CERT1: variants seen among roughly 807,000 people sequenced by gnomAD.
CERT1 encodes the protein ceramide transfer protein.
In CERT1, 31 loss-of-function variants were observed where a neutral mutation model predicts 87.9. The ratio of observed to expected loss-of-function variants is 0.35; its 90% CI spans 0.27 to 0.48. The LOEUF (loss-of-function observed/expected upper bound fraction) is 0.48, where lower values mean the gene tolerates loss of function less well. Ranked by LOEUF, CERT1 falls within the 20% of genes least tolerant of loss-of-function variation. The pLI, the probability that CERT1 is intolerant of heterozygous loss-of-function variation, is 0.99. For synonymous variants in CERT1, 289 were observed against 250.9 expected, an observed-to-expected ratio of 1.15 and a Z score of -1.44; for missense variants, 487 against 758.0, an observed-to-expected ratio of 0.64 and a Z score of 4.20.
intron 3 of CERT1, among the ~76,000 whole-genome samples, chr5:75,432,337 A>C (rs1763906164): frequency 6.6e-6 from 1 of 152,188 alleles, no homozygotes; most frequent in Non-Finnish European, 1.5e-5. Flanking sequence ...TACAGGCATG[A>C]GCCACCACGC....
intron 2 of CERT1, among the ~76,000 whole-genome samples, chr5:75,495,581 G>A (rs894485822): frequency 5.3e-5 from 8 of 151,578 alleles, no homozygotes; most frequent in African/African-American, 1.9e-4. Context: ...AAAAGACAGA[G>A]GCCAAGCCTA....
chr5:75,442,932 T>C (rs1764384613), intron 3 of CERT1, among the ~76,000 whole-genome samples: 1 of 152,180 alleles, frequency 6.6e-6, no homozygotes, highest in African/African-American at 2.4e-5. Flanking sequence ...ATAAACTTTA[T>C]CGTAAGTATG....
chr5:75,443,201 AT>A (rs1469663355), intron 3 of CERT1, among the ~76,000 whole-genome samples: 2 of 151,822 alleles, frequency 1.3e-5, no homozygotes, highest in South Asian at 2.1e-4. Flanking sequence ...TTGTTTTTCT[AT>A]TCTCGTTTTG....
intron 3 of CERT1, among the ~76,000 whole-genome samples, chr5:75,438,569 A>G (rs1764188054): frequency 6.6e-6 from 1 of 152,154 alleles, no homozygotes; most frequent in African/African-American, 2.4e-5. Flanking sequence ...TTACTCTTCC[A>G]CAAGAAAAAA....
At chr5:75,415,155 C>A (rs1260256312) in intron 7 of CERT1, among the ~76,000 whole-genome samples, 1 of 152,162 alleles carries the variant, frequency 6.6e-6, no homozygotes, top group African/African-American at 2.4e-5. Flanking sequence ...TGAACACACA[C>A]ATACTGTGTG....
intron 2 of CERT1, among the ~76,000 whole-genome samples, chr5:75,488,458 T>TA (rs1316577873): frequency 1.3e-5 from 2 of 152,154 alleles, no homozygotes; most frequent in African/African-American, 2.4e-5. Context: ...AATTTATCAC[T>TA]AAAAAGTGTG....
chr5:75,476,398 C>A (rs1765957421), intron 2 of CERT1, among the ~76,000 whole-genome samples: 1 of 151,722 alleles, frequency 6.6e-6, no homozygotes, highest in Admixed American at 6.6e-5. Flanking sequence ...AAAAGGAAAA[C>A]CAAATCATGT....
chr5:75,426,943 T>G (rs1356292477), intron 3 of CERT1, among the ~76,000 whole-genome samples: 1 of 152,220 alleles, frequency 6.6e-6, no homozygotes, highest in Non-Finnish European at 1.5e-5. Context: ...TTTTATGTAT[T>G]CTCACCCATT....
chr5:75,436,298 G>T (rs1308212443), intron 3 of CERT1, among the ~76,000 whole-genome samples: 1 of 152,188 alleles, frequency 6.6e-6, no homozygotes, highest in African/African-American at 2.4e-5. Context: ...CTCCCTAAGT[G>T]CTGGGATTAC....
chr5:75,479,933 C>A (rs1766152379), intron 2 of CERT1, among the ~76,000 whole-genome samples: 1 of 152,188 alleles, frequency 6.6e-6, no homozygotes, highest in Non-Finnish European at 1.5e-5. Flanking sequence ...TACCTTTTCT[C>A]TGCAACCTTG....
Position 75,490,529 on chromosome 5 carries a change from C to T in CERT1, c.231+15453G>A, listed in dbSNP as rs373068170. ...TTTATTTTTTTTTGAGACAGAGTCT[C>T]GCTGTGTCGCCCAGGCTGGAGTGCA... On this transcript the variant is annotated intron_variant, in intron 2 of 16. Coordinates refer to ENST00000643780, the MANE Select transcript of CERT1 (RefSeq NM_001379029.1). Among the ~76,000 whole-genome samples, 278 of 151,750 alleles carry T rather than the reference C, an allele frequency of 1.8e-3. 1 individual carries two copies. The East Asian group carries it at 0.026, about 14-fold the overall frequency.
intron 3 of CERT1, among the ~76,000 whole-genome samples, chr5:75,456,895 G>A (rs1437592772): frequency 3.9e-5 from 6 of 151,926 alleles, no homozygotes; most frequent in Non-Finnish European, 7.4e-5. Flanking sequence ...ACTAAAGGAA[G>A]AAAACACAAA....
At position 75,440,829 on chromosome 5, in the gene CERT1, G is replaced by A. The variant is rs147186297; in HGVS notation, c.349-14351C>T. 1.0e-3 allele frequency among the ~76,000 whole-genome samples: 156 copies of A among 152,158 alleles called. 1 individual carries two copies. Among genetic ancestry groups the A allele is most frequent in the Admixed American group, 7.4e-3 (113 of 15,270 alleles). ...ACCATAGAAGTAGAGGGCCATAACA[G>A]CTGCCCCCATTCTCTGCTTGGTTTC... On this transcript the variant is annotated intron_variant, in intron 3 of 16. Transcript: ENST00000643780.
chr5:75,412,375 T>C (rs921742780), intron 7 of CERT1, among the ~76,000 whole-genome samples: 11 of 152,202 alleles, frequency 7.2e-5, no homozygotes, highest in Non-Finnish European at 1.2e-4. Flanking sequence ...CAGCTCTTCC[T>C]ATTTCCCCTT....
At chr5:75,397,515 AC>A (rs1376779933) in intron 11 of CERT1, among the ~76,000 whole-genome samples, 1 of 151,590 alleles carries the variant, frequency 6.6e-6, no homozygotes, top group Non-Finnish European at 1.5e-5. Flanking sequence ...TGGGTTCTGA[AC>A]CCCTAATTCT....
intron 5 of CERT1, among the ~76,000 whole-genome samples, chr5:75,419,852 A>T (rs946037474): frequency 5.9e-5 from 9 of 152,174 alleles, no homozygotes; most frequent in African/African-American, 2.2e-4. Flanking sequence ...TTCACCCTGT[A>T]GTCTTCCTAT....
intron 5 of CERT1, among the ~76,000 whole-genome samples, chr5:75,421,178 T>G (rs1234993431): frequency 6.6e-6 from 1 of 152,218 alleles, no homozygotes; most frequent in Non-Finnish European, 1.5e-5. Context: ...ACTAATGTCT[T>G]ACTTACTGCA....
intron 5 of CERT1, among the ~76,000 whole-genome samples, chr5:75,420,412 C>G (rs1277133190): frequency 6.6e-6 from 1 of 150,382 alleles, no homozygotes; most frequent in Admixed American, 6.6e-5. Context: ...GGCGCGATCT[C>G]GGCTCACTGC....
chr5:75,399,437 A>G, intron 10 of CERT1, 50 bp from the exon 11 acceptor site: 5 of 1,372,776 alleles, frequency 3.6e-6, no homozygotes, highest in Non-Finnish European at 5.2e-6. Flanking sequence ...CAAAGGCACA[A>G]CAGAGCATTC....
Sources: allele counts gnomAD v4.1 joint callset (sites outside exome capture counted in the v4.1 genomes callset), GRCh38; gene constraint gnomAD v4.1.1; transcripts MANE v1.5; gene names NCBI Gene and HGNC (gene_info 2026-07-23, HGNC 2026-07-21).